The following CALD1 variants were observed in gnomAD, a reference collection of about 807,000 sequenced individuals.
The protein encoded by CALD1 is caldesmon 1, also known as caldesmon.
Under a neutral mutation model 99.9 loss-of-function variants are expected in CALD1, and 33 were observed. The ratio of observed to expected loss-of-function variants is 0.33; its 90% CI spans 0.25 to 0.44. The LOEUF is 0.44. CALD1 is among the 20% of genes least tolerant of loss of function. The pLI is 1.00. For missense variants in CALD1, 861 were observed against 962.1 expected (o/e 0.89, Z 1.39); for synonymous variants, 310 against 325.0 (o/e 0.95, Z 0.50).
upstream of CALD1, among the ~76,000 whole-genome samples, chr7:134,778,850 A>G (rs1283211733): frequency 6.6e-6 from 1 of 152,228 alleles, no homozygotes; most frequent in Non-Finnish European, 1.5e-5. Flanking sequence ...AAATCTGAGG[A>G]AACAAAAGAG....
At chr7:134,823,565 C>A (rs1419393875) in intron 1 of CALD1, among the ~76,000 whole-genome samples, 2 of 152,118 alleles carry the variant, frequency 1.3e-5, no homozygotes, top group Non-Finnish European at 2.9e-5. Context: ...CCTATGGAAT[C>A]TTAAACATGC....
At chr7:134,736,256 A>T in the CALD1 span, among the ~76,000 whole-genome samples, 1 of 152,328 alleles carries the variant, frequency 6.6e-6, no homozygotes. Context: ...TTATAACTGA[A>T]CATTTAGGAT....
the CALD1 span, among the ~76,000 whole-genome samples, chr7:134,734,044 A>T: frequency 2.6e-5 from 4 of 152,016 alleles, no homozygotes; most frequent in African/African-American, 9.7e-5. Context: ...AGCCATTAAT[A>T]TGCAGCAGTG....
intron 3 of CALD1, among the ~76,000 whole-genome samples, chr7:134,918,612 T>C (rs899964219): frequency 3.3e-5 from 5 of 152,232 alleles, no homozygotes; most frequent in South Asian, 2.1e-4. Flanking sequence ...AGGGATGCGA[T>C]TGAAGAGGAG....
At chr7:134,732,916 T>G in the CALD1 span, among the ~76,000 whole-genome samples, 1 of 152,272 alleles carries the variant, frequency 6.6e-6, no homozygotes, top group African/African-American at 2.4e-5. Context: ...GCGCTCTGGC[T>G]GTGCTTCTTA....
the CALD1 span, among the ~76,000 whole-genome samples, chr7:134,738,688 C>T: frequency 1.8e-4 from 28 of 152,236 alleles, no homozygotes; most frequent in African/African-American, 6.3e-4. Context: ...ACCAGCATCG[C>T]GGCATGTCAA....
chr7:134,891,896 C>T (rs963899821), intron 3 of CALD1, among the ~76,000 whole-genome samples: 4 of 152,008 alleles, frequency 2.6e-5, no homozygotes, highest in African/African-American at 4.8e-5. Context: ...TGGCTTTTCT[C>T]GTTTCCATTT....
chr7:134,763,329 A>G (rs1364871249), intron 1 of CALD1, among the ~76,000 whole-genome samples: 2 of 152,242 alleles, frequency 1.3e-5, no homozygotes, highest in East Asian at 3.8e-4. Flanking sequence ...GCAGGCAAAG[A>G]GAAGGCAAGT....
the CALD1 span, among the ~76,000 whole-genome samples, chr7:134,718,743 T>C: frequency 6.6e-6 from 1 of 152,180 alleles, no homozygotes; most frequent in Non-Finnish European, 1.5e-5. Context: ...TAAAATTCTT[T>C]GTCTCTGACC....
At chr7:134,790,587 T>C (rs1295700219) in intron 1 of CALD1, among the ~76,000 whole-genome samples, 1 of 152,186 alleles carries the variant, frequency 6.6e-6, no homozygotes, top group East Asian at 1.9e-4. Context: ...CCCTGCCATA[T>C]AAGGAAACAG....
intron 3 of CALD1, among the ~76,000 whole-genome samples, chr7:134,883,898 A>C (rs1451291742): frequency 1.3e-5 from 2 of 152,212 alleles, no homozygotes; most frequent in Non-Finnish European, 2.9e-5. Context: ...ACCTGAGGTC[A>C]GGAGTTTGAG....
intron 3 of CALD1, among the ~76,000 whole-genome samples, chr7:134,904,717 T>C (rs1803245055): frequency 1.3e-5 from 2 of 152,122 alleles, no homozygotes; most frequent in South Asian, 4.1e-4. Flanking sequence ...TCAGGAAGTA[T>C]TCGCTTCTTA....
chr7:134,878,077 C>G (rs1361604564), intron 3 of CALD1, among the ~76,000 whole-genome samples: 1 of 152,108 alleles, frequency 6.6e-6, no homozygotes, highest in African/African-American at 2.4e-5. Flanking sequence ...CCTTCACCTC[C>G]CCACCCACAG....
chr7:134,915,039 T>C (rs535609368), intron 3 of CALD1, among the ~76,000 whole-genome samples: 2 of 152,354 alleles, frequency 1.3e-5, no homozygotes, highest in African/African-American at 4.8e-5. Context: ...TCCAGCCACC[T>C]GTGTGTCCAT....
intron 9 of CALD1, among the ~76,000 whole-genome samples, chr7:134,955,691 C>T (rs2133204346): frequency 1.3e-5 from 2 of 152,340 alleles, no homozygotes; most frequent in South Asian, 4.1e-4. Context: ...CTCATTTAAC[C>T]TTAATTACTT....
chr7:134,902,827 T>C (rs1803095560), intron 3 of CALD1, among the ~76,000 whole-genome samples: 1 of 152,162 alleles, frequency 6.6e-6, no homozygotes, highest in Non-Finnish European at 1.5e-5. Context: ...AACTGACTAC[T>C]GTATTACTTT....
At chr7:134,850,291 T>C (rs62479512) in intron 2 of CALD1, among the ~76,000 whole-genome samples, 3,878 of 152,298 alleles carry the variant, frequency 0.025, 97 homozygotes, top group South Asian at 0.14. Context: ...CATTTCATCA[T>C]TGAGGTCCTT....
chr7:134,867,382 G>C lies in CALD1; in HGVS notation c.-41-311G>C, dbSNP rs145841212. 6.0e-4 allele frequency among the ~76,000 whole-genome samples: 92 copies of C among 152,218 alleles called. 2 individuals carry two copies. Among genetic ancestry groups the C allele is most frequent in the African/African-American group, 2.1e-3 (86 of 41,524 alleles). ...TCTGGGGTTCAGAAAGTTACAAAGA[G>C]CAAAATCATTCATTAGAATTTCAAG... On this transcript the variant is annotated intron_variant, in intron 2 of 14. Transcript: ENST00000361675.
chr7:134,968,176 T>C (rs1808814239), intron 14 of CALD1, among the ~76,000 whole-genome samples, 164 bp from the exon 15 acceptor site: 2 of 152,126 alleles, frequency 1.3e-5, no homozygotes, highest in Admixed American at 6.6e-5. Flanking sequence ...TAAAAGATCA[T>C]ATTTGAATGG....
Sources: allele counts gnomAD v4.1 joint callset (sites outside exome capture counted in the v4.1 genomes callset), GRCh38; gene constraint gnomAD v4.1.1; transcripts MANE v1.5; gene names NCBI Gene and HGNC (gene_info 2026-07-23, HGNC 2026-07-21).